TNRC6A: variants seen among roughly 807,000 people sequenced by gnomAD.
TNRC6A encodes trinucleotide repeat-containing gene 6A protein.
In TNRC6A, 44 loss-of-function variants were observed where a neutral mutation model predicts 221.2. That is an observed-to-expected ratio of 0.20 (90% CI 0.16 to 0.26). The LOEUF (loss-of-function observed/expected upper bound fraction) is 0.26. Among genes scored for constraint, TNRC6A ranks in the 10% least tolerant of loss-of-function variants. The probability of loss-of-function intolerance (pLI) is 1.00; values close to 1 mark genes in which losing one functional copy is unlikely to be tolerated. For missense variants in TNRC6A, 2,199 were observed against 2,404.4 expected (o/e 0.91, Z 1.79); for synonymous variants, 847 against 838.5 (o/e 1.01, Z -0.18).
upstream of TNRC6A, among the ~76,000 whole-genome samples, chr16:24,727,745 G>A (rs2056516549): frequency 6.6e-6 from 1 of 152,034 alleles, no homozygotes; most frequent in East Asian, 1.9e-4. Context: ...TTACGTATAT[G>A]TTCATATTTT....
chr16:24,696,280 G>A (rs1384497308), intron 2 of TNRC6A, among the ~76,000 whole-genome samples: 5 of 151,226 alleles, frequency 3.3e-5, no homozygotes, highest in East Asian at 2.0e-4. Context: ...CCCAGGAGGC[G>A]GAGCTTGCAG....
intron 1 of TNRC6A, among the ~76,000 whole-genome samples, chr16:24,633,820 A>T (rs9939834): frequency 0.66 from 99,145 of 149,734 alleles, 33,392 homozygotes; most frequent in African/African-American, 0.79. Context: ...TCTCGCTTTG[A>T]TGCCCAGCCT....
intron 2 of TNRC6A, among the ~76,000 whole-genome samples, chr16:24,733,467 T>C (rs1472035088): frequency 6.6e-6 from 1 of 152,224 alleles, no homozygotes; most frequent in Non-Finnish European, 1.5e-5. Context: ...TGTCACATTA[T>C]GTTAGTATCA....
chr16:24,615,873 C>A lies in TNRC6A; in HGVS notation n.276+5389C>A, dbSNP rs915097939. ...AGTAACCCACCCACCCACCCCCCAA[C>A]ACACATACCCCTACATGCTCTAAAT... On this transcript the variant is annotated intron_variant and non_coding_transcript_variant, in intron 1 of 2. Coordinates refer to the TNRC6A transcript ENST00000566108. 8.9e-5 allele frequency among the ~76,000 whole-genome samples: 13 copies of A among 146,800 alleles called. 1 individual carries two copies. The highest frequency in any genetic ancestry group is 4.1e-4 in the Admixed American group (6 of 14,524).
intron 2 of TNRC6A, among the ~76,000 whole-genome samples, chr16:24,746,583 G>T (rs570795372): frequency 1.8e-4 from 27 of 152,164 alleles, no homozygotes; most frequent in Non-Finnish European, 2.6e-4. Context: ...ATGATTTTAT[G>T]CTGCGGTGTC....
intron 23 of TNRC6A, 152 bp downstream of exon 23, chr16:24,822,299 G>A: frequency 4.2e-6 from 3 of 718,216 alleles, no homozygotes; most frequent in Middle Eastern, 3.9e-4. Flanking sequence ...CAGGCAGGCT[G>A]TGGTCGAATC....
At chr16:24,684,034 A>G (rs1342348833) in intron 2 of TNRC6A, among the ~76,000 whole-genome samples, 1 of 152,200 alleles carries the variant, frequency 6.6e-6, no homozygotes. Flanking sequence ...TGTCACCACT[A>G]TTCAACTCTG....
intron 2 of TNRC6A, among the ~76,000 whole-genome samples, chr16:24,706,176 A>G (rs924884415): frequency 2.0e-5 from 3 of 152,334 alleles, no homozygotes; most frequent in Admixed American, 6.5e-5. Flanking sequence ...TTGTTCATCA[A>G]TTAGAAGATT....
intron 2 of TNRC6A, among the ~76,000 whole-genome samples, chr16:24,690,625 G>T (rs535110483): frequency 2.1e-4 from 32 of 152,134 alleles, no homozygotes; most frequent in African/African-American, 7.5e-4. Context: ...ACCCAAAATG[G>T]CACAGTGGCA....
Position 24,804,244 on chromosome 16 carries a change from G to T in TNRC6A, c.3762G>T (p.Thr1254=). ...TAAATATTGGTGATTACAATCGAAC[G>T]GTCGGGAAAGGCCCTGGTTCTCGGC... ...HSLNIGDYNR[T]VGKGPGSRPQ... The change falls in exon 12 of 25, where the codon ACG becomes ACT. Residue 1254 remains threonine (T), a synonymous_variant. Coordinates refer to ENST00000395799, the MANE Select transcript of TNRC6A (RefSeq NM_014494.4). The T allele has an allele frequency of 6.2e-7, 1 of 1,613,704 alleles. No individual in the cohort carries two copies. The highest frequency in any genetic ancestry group is 1.1e-5 in the South Asian group (1 of 90,988).
intron 5 of TNRC6A, among the ~76,000 whole-genome samples, chr16:24,781,059 T>TTTC (rs1382777775): frequency 7.0e-6 from 1 of 141,884 alleles, no homozygotes; most frequent in African/African-American, 2.7e-5. Flanking sequence ...TTTTTTTTTT[T>TTTC]TTTTTTTTTG....
intron 5 of TNRC6A, 149 bp downstream of exon 5, chr16:24,777,507 G>A (rs989237486): frequency 1.7e-5 from 12 of 706,564 alleles, no homozygotes; most frequent in Non-Finnish European, 2.8e-5. Flanking sequence ...TTATGAATGG[G>A]GAATCTTAGA....
Position 24,789,431 on chromosome 16 carries a change from A to C in TNRC6A, c.789A>C (p.Glu263Asp), listed in dbSNP as rs2058047369. 1 of 1,614,244 alleles carries C rather than the reference A, an allele frequency of 6.2e-7. No homozygotes were observed. Among genetic ancestry groups the C allele is most frequent in the Admixed American group, 1.7e-5 (1 of 60,034 alleles). ...CMDADSASSS[E>D]SERNITIMAS... ...ATGCTGATTCTGCCTCCAGTTCTGA[A>C]TCAGAGAGAAACATCACTATCATGG... is the stretch of plus-strand genomic sequence containing the variant. The change falls in exon 6 of 25, where the codon GAA (glutamate) becomes GAC (aspartate). Residue 263 changes from glutamate to aspartate, a missense_variant. Glu to Asp is a conservative substitution (Grantham distance 45, BLOSUM62 2). Coordinates refer to ENST00000395799, the MANE Select transcript of TNRC6A (RefSeq NM_014494.4).
intron 21 of TNRC6A, chr16:24,819,527 T>TTG (rs2058725987): frequency 6.7e-6 from 1 of 148,260 alleles, no homozygotes; most frequent in Non-Finnish European, 1.5e-5. Flanking sequence ...TGTTTTTTTG[T>TTG]TTTTTTGTTT....
At chr16:24,780,203 AT>A (rs1421955062) in intron 5 of TNRC6A, among the ~76,000 whole-genome samples, 1 of 152,196 alleles carries the variant, frequency 6.6e-6, no homozygotes, top group African/African-American at 2.4e-5. Flanking sequence ...GAACACTCGT[AT>A]ACCCTCCACC....
At chr16:24,778,408 C>T (rs946351974) in intron 5 of TNRC6A, 1 of 985,256 alleles carries the variant, frequency 1.0e-6, no homozygotes, top group East Asian at 1.1e-4. Context: ...TGCTTGTAAC[C>T]ACCATGCTGT....
intron 2 of TNRC6A, among the ~76,000 whole-genome samples, chr16:24,743,544 C>T (rs929655441): frequency 3.9e-5 from 5 of 126,910 alleles, no homozygotes; most frequent in Admixed American, 8.4e-5. Context: ...AGGCTGGTCT[C>T]GAACTCCTGG....
intron 2 of TNRC6A, among the ~76,000 whole-genome samples, chr16:24,705,873 T>C (rs1398293877): frequency 2.6e-5 from 4 of 152,150 alleles, no homozygotes; most frequent in African/African-American, 9.6e-5. Context: ...AGATAAAAAA[T>C]ACAAATTTTA....
chr16:24,811,996 G>A (rs934469382), intron 18 of TNRC6A, among the ~76,000 whole-genome samples: 15 of 128,794 alleles, frequency 1.2e-4, no homozygotes, highest in East Asian at 2.4e-4. Context: ...TTCGTTTGCC[G>A]TTCAGGGGAA....
Sources: gnomAD v4.1 joint callset for allele counts (sites outside exome capture counted in the v4.1 genomes callset) on GRCh38, gnomAD v4.1.1 for gene constraint, MANE v1.5 for transcripts, NCBI Gene and HGNC (gene_info 2026-07-23, HGNC 2026-07-21) for gene names.